The following ERCC6L2 variants were observed in gnomAD, a reference collection of about 807,000 sequenced individuals.
ERCC6L2 encodes ERCC excision repair 6 like 2.
A neutral mutation model predicts 132.0 loss-of-function variants in ERCC6L2; 77 were observed. The ratio of observed to expected loss-of-function variants is 0.58; its 90% confidence interval spans 0.49 to 0.71. The LOEUF is 0.71. Ranked by LOEUF, ERCC6L2 falls within the 30% of genes least tolerant of loss-of-function variation. The pLI, the probability that ERCC6L2 is intolerant of heterozygous loss-of-function variation, is 0.00. For synonymous variants in ERCC6L2, 583 were observed against 632.4 expected (o/e 0.92, Z 1.17); for missense variants, 1,542 against 1,837.6 (o/e 0.84, Z 2.94).
chr9:95,985,874 C>A (rs1402369393), intron 17 of ERCC6L2, among the ~76,000 whole-genome samples: 3 of 152,180 alleles, frequency 2.0e-5, no homozygotes, highest in Admixed American at 6.5e-5. Flanking sequence ...AGAGCAGATT[C>A]TATTTATATT....
chr9:95,877,576 T>C (rs902359169), intron 1 of ERCC6L2, among the ~76,000 whole-genome samples: 2 of 152,194 alleles, frequency 1.3e-5, no homozygotes, highest in Middle Eastern at 3.4e-3. Flanking sequence ...CCCAGTACTT[T>C]GGGGAAGCTT....
downstream of ERCC6L2, among the ~76,000 whole-genome samples, chr9:96,022,792 A>G (rs1160096874): frequency 6.6e-6 from 1 of 152,088 alleles, no homozygotes; most frequent in Non-Finnish European, 1.5e-5. Flanking sequence ...GATGGGCAAG[A>G]TGGAGCAGTC....
rs899647648 is a variant in ERCC6L2 at position 96,015,947 on chromosome 9, A to T, written c.*2744A>T. 6.6e-6 allele frequency among the ~76,000 whole-genome samples: 1 copy of T among 152,218 alleles called. No homozygotes were observed. The highest frequency in any genetic ancestry group is 2.4e-5 in the African/African-American group (1 of 41,464). ...TGTCAGGTGGAATGCAGAGTCCAGT[A>T]TGAAAAGGAGCCTGTTTCAGAACGG... is the stretch of plus-strand genomic sequence containing the variant. On this transcript the variant is annotated 3_prime_UTR_variant, in exon 19 of 19. Coordinates refer to ENST00000653738, the MANE Select transcript of ERCC6L2 (RefSeq NM_020207.7).
Position 95,972,220 on chromosome 9 carries a change from G to T in ERCC6L2, c.2469G>T (p.Gln823His). ...TASDDESSDE[Q>H]PTCLSTEAKD... The stretch of plus-strand genomic sequence containing the variant: ...CTGATGATGAAAGTTCTGATGAGCA[G>T]CCCACATGCCTTTCAACAGAAGCCA... Residue 823 changes from glutamine to histidine, a missense_variant, in exon 16 of 19, where the codon CAG becomes CAT. By Grantham distance (24) the Gln-to-His change is conservative (BLOSUM62 0). Around this residue, in one of 4 missense-constraint regions of ERCC6L2, gnomAD observed 945 missense variants for 1,105.2 expected, o/e 0.86. Coordinates refer to ENST00000653738, the MANE Select transcript of ERCC6L2 (RefSeq NM_020207.7). 7.7e-7 allele frequency: 1 copy of T among 1,304,224 alleles called. No individual in the cohort carries two copies. The highest frequency in any genetic ancestry group is 1.0e-6 in the Non-Finnish European group (1 of 988,926). 80.8% of individuals were successfully genotyped at this position (1,304,224 alleles called of 1,614,324 possible). A position where few individuals can be genotyped will look rare whatever the true frequency, so the allele number is the denominator to read the frequency against.
At chr9:96,018,617 T>C (rs1370302999), downstream of ERCC6L2, among the ~76,000 whole-genome samples, 1 of 145,230 alleles carries the variant, frequency 6.9e-6, no homozygotes, top group Non-Finnish European at 1.5e-5. Flanking sequence ...TGCACCACCC[T>C]GCCCGGCTAA....
intron 3 of ERCC6L2, chr9:95,906,716 TAC>T (rs1329556240): frequency 2.2e-6 from 1 of 461,514 alleles, no homozygotes; most frequent in African/African-American, 2.0e-5. Flanking sequence ...CTTGTGTATG[TAC>T]ATTACCCACT....
At chr9:95,901,342 C>T (rs1393573745) in intron 3 of ERCC6L2, among the ~76,000 whole-genome samples, 1 of 151,978 alleles carries the variant, frequency 6.6e-6, no homozygotes, top group Non-Finnish European at 1.5e-5. Flanking sequence ...AGCCCTAACA[C>T]TCACCATAGA....
In ERCC6L2 at chr9:96,004,539, A is replaced by T. The variant is rs1242011095; in HGVS notation, c.3512A>T (p.Asp1171Val). 1 of 1,305,944 alleles carries T rather than the reference A, an allele frequency of 7.7e-7. No homozygotes were observed. The highest frequency in any genetic ancestry group is 1.0e-6 in the Non-Finnish European group (1 of 989,248). The allele number at this position is 1,305,944 out of a possible 1,614,324, so 80.9% of individuals were successfully genotyped here. A position where few individuals can be genotyped will look rare whatever the true frequency, so the allele number is the denominator to read the frequency against. The change falls in exon 18 of 19, where the codon GAT becomes GTT. Residue 1171 changes from aspartate (D) to valine (V), a missense_variant. Physicochemically the swap from Asp to Val is radical, Grantham distance 152 (BLOSUM62 -3). Around this residue, in one of 4 missense-constraint regions of ERCC6L2, gnomAD observed 442 missense variants for 583.4 expected, o/e 0.76. Coordinates refer to ENST00000653738, the MANE Select transcript of ERCC6L2 (RefSeq NM_020207.7). ...TTTCAGACATATAAAGAAAAAGTGG[A>T]TGCAGATACATTGCCACACACAAAG... is the stretch of plus-strand genomic sequence containing the variant. ...CSSKTYKEKV[D>V]ADTLPHTKKG...
intron 2 of ERCC6L2, among the ~76,000 whole-genome samples, chr9:95,891,484 C>T (rs1828160308): frequency 1.3e-5 from 2 of 152,042 alleles, no homozygotes; most frequent in Admixed American, 1.3e-4. Flanking sequence ...GGGTTGTTTC[C>T]ACTTTTAGTT....
At position 95,985,294 on chromosome 9, in the gene ERCC6L2, G is replaced by A. The variant is rs185847259; in HGVS notation, c.3492+7079G>A. 1.3e-3 allele frequency among the ~76,000 whole-genome samples: 197 copies of A among 152,316 alleles called. 1 individual carries two copies. The highest frequency in any genetic ancestry group is 4.3e-3 in the African/African-American group (177 of 41,556). ...CTCCTGTAAACACTACCACTTAGCC[G>A]TGGGCAGCACAGAGTGGGAGTTTAG... On this transcript the variant is annotated intron_variant, in intron 17 of 18. Transcript: ENST00000653738.
At chr9:95,880,764 G>T in intron 1 of ERCC6L2, 105 bp from the exon 2 acceptor site, 1 of 978,280 alleles carries the variant, frequency 1.0e-6, no homozygotes. Context: ...CAGTTTTTTG[G>T]AAAAGGCATT....
chr9:95,977,760 AAAC>A lies in ERCC6L2; in HGVS notation c.3338-298_3338-296del, dbSNP rs1256314725. The stretch of plus-strand genomic sequence containing the variant: ...TTTTTTTTTTTTTAATTAACAATGA[AAAC>A]AAATTCATAGAGAGGACCCTACTCA... On this transcript the variant is annotated intron_variant, in intron 16 of 18. Coordinates refer to ENST00000653738, the MANE Select transcript of ERCC6L2 (RefSeq NM_020207.7). 2.0e-5 allele frequency among the ~76,000 whole-genome samples: 3 copies of A among 152,070 alleles called. No homozygotes were observed. The East Asian group carries it at 5.8e-4, about 29-fold the overall frequency.
rs537746675 is a variant in ERCC6L2, at chr9:95,927,864, T to C, written c.1534-215T>C. 2.6e-5 allele frequency among the ~76,000 whole-genome samples: 4 copies of C among 152,324 alleles called. No homozygotes were observed. The East Asian group carries it at 7.7e-4, about 29-fold the overall frequency. On this transcript the variant is annotated intron_variant, in intron 9 of 18. Coordinates refer to ENST00000653738, the MANE Select transcript of ERCC6L2 (RefSeq NM_020207.7). Reference sequence around the variant, plus strand: ...ATGAAATAAAAGTCTTTGGGAACTTTACCTCCTTATTGACAATATGATGAT... The same window carrying C: ...ATGAAATAAAAGTCTTTGGGAACTTCACCTCCTTATTGACAATATGATGAT...
chr9:95,995,115 TC>T (rs35593941), intron 17 of ERCC6L2, among the ~76,000 whole-genome samples: 3 of 152,212 alleles, frequency 2.0e-5, no homozygotes, highest in African/African-American at 7.2e-5. Flanking sequence ...GGGGGAATCT[TC>T]CTTGTATTTT....
chr9:96,018,971 C>T (rs766163799), downstream of ERCC6L2, among the ~76,000 whole-genome samples: 19 of 152,130 alleles, frequency 1.2e-4, no homozygotes, highest in East Asian at 3.9e-4. Flanking sequence ...AAATAGGCCT[C>T]GCAGTCTCGT....
intron 12 of ERCC6L2, among the ~76,000 whole-genome samples, chr9:95,946,740 A>G (rs1055870118): frequency 6.6e-6 from 1 of 152,038 alleles, no homozygotes; most frequent in Non-Finnish European, 1.5e-5. Flanking sequence ...TTCCAGCACC[A>G]TTTTTCCGTG....
chr9:96,036,956 C>A (rs570177687), intron 19 of ERCC6L2, among the ~76,000 whole-genome samples: 1 of 150,770 alleles, frequency 6.6e-6, no homozygotes, highest in African/African-American at 2.4e-5. Flanking sequence ...TTAGTAGAGA[C>A]GGGGTTTCAC....
chr9:95,890,181 T>G lies in ERCC6L2; in HGVS notation c.472-7668T>G, dbSNP rs75039678. Among the ~76,000 whole-genome samples, 1,138 of 152,324 alleles carry G rather than the reference T, an allele frequency of 7.5e-3. 18 individuals are homozygous for G. The highest frequency in any genetic ancestry group is 0.026 in the African/African-American group (1,090 of 41,562). ...CAGCATCTAGAAATAGCCTTTCACC[T>G]AGACTATTCCAGCATCTTGGTATTG... On this transcript the variant is annotated intron_variant, in intron 2 of 18. Transcript: ENST00000653738.
chr9:95,992,941 G>C (rs1197186946), intron 17 of ERCC6L2, among the ~76,000 whole-genome samples: 2 of 152,120 alleles, frequency 1.3e-5, no homozygotes, highest in Non-Finnish European at 2.9e-5. Context: ...TTTCATATGA[G>C]ATCTTCAGGT....
Sources: allele counts gnomAD v4.1 joint callset (sites outside exome capture counted in the v4.1 genomes callset), GRCh38; gene constraint gnomAD v4.1.1; regional missense constraint gnomAD v4.1.1; transcripts MANE v1.5; gene names NCBI Gene and HGNC (gene_info 2026-07-23, HGNC 2026-07-21).